SLCO3A1: variants seen among roughly 807,000 people sequenced by gnomAD.
SLCO3A1 encodes solute carrier organic anion transporter family member 3A1.
A neutral mutation model predicts 63.1 loss-of-function variants in SLCO3A1; 27 were observed. The ratio of observed to expected loss-of-function variants is 0.43; its 90% CI spans 0.32 to 0.59. The LOEUF (loss-of-function observed/expected upper bound fraction) is 0.59, where lower values mean the gene tolerates loss of function less well. SLCO3A1 is among the 20% of genes least tolerant of loss of function. The pLI is 0.09. For synonymous variants in SLCO3A1, 473 were observed against 409.9 expected (o/e 1.15, Z -1.86); for missense variants, 773 against 945.8 (o/e 0.82, Z 2.40).
In SLCO3A1 at chr15:91,862,616, C is replaced by T. The variant is rs1897075416; in HGVS notation, c.180+8528C>T. Among the ~76,000 whole-genome samples the T allele has an allele frequency of 6.6e-6, 1 of 152,132 alleles. No homozygotes were observed. The highest frequency in any genetic ancestry group is 6.5e-5 in the Admixed American group (1 of 15,278). ...GGTAGCTCTAAAGTCTCTTCTGGCTCTCCGTCCATTGATACCTAAATTTCT... is the reference window on the plus strand; with the variant it reads ...GGTAGCTCTAAAGTCTCTTCTGGCTTTCCGTCCATTGATACCTAAATTTCT... On this transcript the variant is annotated intron_variant, in intron 1 of 9. Coordinates refer to ENST00000318445, the MANE Select transcript of SLCO3A1 (RefSeq NM_013272.4). This position sits in a 1 kb window ranked among gnomAD's most constrained non-coding sequence, Gnocchi z 4.0.
chr15:92,104,130 T>C (rs2047638614), intron 3 of SLCO3A1, 149 bp from the exon 4 acceptor site: 1 of 874,556 alleles, frequency 1.1e-6, no homozygotes, highest in Admixed American at 2.3e-5. Context: ...TGTGGAACAA[T>C]AGGCTTCGTA....
chr15:91,862,292 TA>T lies in SLCO3A1; in HGVS notation c.180+8205del, dbSNP rs1287940699. Among the ~76,000 whole-genome samples the T allele has an allele frequency of 2.6e-5, 4 of 152,136 alleles. No individual in the cohort carries two copies. Among genetic ancestry groups the T allele is most frequent in the African/African-American group, 9.7e-5 (4 of 41,416 alleles). On this transcript the variant is annotated intron_variant, in intron 1 of 9. Transcript: ENST00000318445. The surrounding 1 kb of genome is among the most constrained non-coding windows in gnomAD (Gnocchi z 4.0). ...CCTCAGCCTCCCCAGTAGCTGGGACTACAGGCGCGTACCACCACTCGGCTAA... is the reference window on the plus strand; with the variant it reads ...CCTCAGCCTCCCCAGTAGCTGGGACTCAGGCGCGTACCACCACTCGGCTAA...
At chr15:92,109,600 GCTGAGCACTCTTGTCA>G (rs1312794536) in intron 4 of SLCO3A1, among the ~76,000 whole-genome samples, 1 of 152,186 alleles carries the variant, frequency 6.6e-6, no homozygotes, top group Non-Finnish European at 1.5e-5. Flanking sequence ...GCAATCAAAA[GCTGAGCACTCTTGTCA>G]CTGAGCGCTT....
At position 91,961,506 on chromosome 15, in the gene SLCO3A1, C is replaced by T. The variant is rs559142150; in HGVS notation, c.646+45048C>T. Among the ~76,000 whole-genome samples, 4 of 152,374 alleles carry T rather than the reference C, an allele frequency of 2.6e-5. No homozygotes were observed. In the East Asian group the frequency reaches 7.7e-4, roughly 29 times the overall value. ...AGGCAATGAGGTTGATTAAAAACAT[C>T]TCAGTCCAAGGTGTGTGGGATTCCA... On this transcript the variant is annotated intron_variant, in intron 2 of 9. Coordinates refer to ENST00000318445, the MANE Select transcript of SLCO3A1 (RefSeq NM_013272.4).
chr15:92,125,875 C>T lies in SLCO3A1; in HGVS notation c.1175-186C>T, dbSNP rs75220342. The stretch of plus-strand genomic sequence containing the variant: ...TGCTTTATGTCTGTCTCCCCCAGTT[C>T]TCCATGAGCTCCCTGGGGGCATAAA... On this transcript the variant is annotated intron_variant, in intron 5 of 9. Transcript: ENST00000318445. Among the ~76,000 whole-genome samples, 426 of 151,994 alleles carry T rather than the reference C, an allele frequency of 2.8e-3. 1 individual carries two copies. The highest frequency in any genetic ancestry group is 9.6e-3 in the African/African-American group (397 of 41,460).
chr15:92,143,441 T>TA lies in SLCO3A1; in HGVS notation c.1513-3542dup, dbSNP rs1567143041. Among the ~76,000 whole-genome samples the TA allele has an allele frequency of 1.3e-3, 8 of 6,248 alleles. 2 individuals carry two copies. The highest frequency in any genetic ancestry group is 0.01 in the African/African-American group (8 of 776). The allele number at this position is 6,248 out of a possible 152,430, so 4.1% of individuals were successfully genotyped here. On this transcript the variant is annotated intron_variant, in intron 7 of 9. Transcript: ENST00000318445. ...TATTATATATATATAATATATATAA[T>TA]ATATATATAATATATATAATATATA...
intron 9 of SLCO3A1, 65 bp from the exon 10 acceptor site, chr15:92,162,685 TAGGCAG>T: frequency 1.3e-6 from 2 of 1,527,658 alleles, no homozygotes; most frequent in South Asian, 2.6e-5. Context: ...TAAGAAAAGC[TAGGCAG>T]AGACAGGAAC....
At chr15:91,969,549 C>T (rs1455676449) in intron 2 of SLCO3A1, among the ~76,000 whole-genome samples, 1 of 152,154 alleles carries the variant, frequency 6.6e-6, no homozygotes, top group Non-Finnish European at 1.5e-5. Context: ...TCAGGTGGTC[C>T]ACCCACCTTG....
chr15:91,966,804 C>G (rs1031094381), intron 2 of SLCO3A1, among the ~76,000 whole-genome samples: 1 of 152,084 alleles, frequency 6.6e-6, no homozygotes, highest in African/African-American at 2.4e-5. Flanking sequence ...TGGCACTGTT[C>G]GTGGAAAAAG....
chr15:92,046,743 A>G (rs1312419571), intron 2 of SLCO3A1, among the ~76,000 whole-genome samples: 1 of 151,532 alleles, frequency 6.6e-6, no homozygotes, highest in African/African-American at 2.4e-5. Flanking sequence ...GAGCAGAGCT[A>G]TGAGAAGGCT....
intron 7 of SLCO3A1, among the ~76,000 whole-genome samples, chr15:92,144,902 A>T (rs1479855913): frequency 6.6e-6 from 1 of 152,182 alleles, no homozygotes; most frequent in East Asian, 1.9e-4. Context: ...GAGAGATGTG[A>T]TCAAATGCAG....
chr15:92,098,168 T>C (rs1193032244), intron 3 of SLCO3A1: 2 of 152,284 alleles, frequency 1.3e-5, no homozygotes, highest in African/African-American at 2.4e-5. Context: ...GTCCACCACA[T>C]AGCCTGGTGC....
At chr15:92,038,612 C>G (rs1030582111) in intron 2 of SLCO3A1, among the ~76,000 whole-genome samples, 1 of 152,084 alleles carries the variant, frequency 6.6e-6, no homozygotes, top group Non-Finnish European at 1.5e-5. Context: ...AGGACACAAA[C>G]AAATGGCAAA....
At chr15:91,915,002 C>G (rs895750818) in intron 1 of SLCO3A1, among the ~76,000 whole-genome samples, 1 of 152,200 alleles carries the variant, frequency 6.6e-6, no homozygotes, top group Non-Finnish European at 1.5e-5. Flanking sequence ...GACAAGGACT[C>G]TTGTCTTGCT....
intron 1 of SLCO3A1, among the ~76,000 whole-genome samples, chr15:91,910,241 G>A (rs891038417): frequency 2.0e-5 from 3 of 152,210 alleles, no homozygotes; most frequent in Middle Eastern, 3.4e-3. Flanking sequence ...ATTGATCTTT[G>A]TTGCATCCCA....
chr15:91,899,704 A>G lies in SLCO3A1; in HGVS notation c.181-16289A>G, dbSNP rs150014785. Among the ~76,000 whole-genome samples the G allele has an allele frequency of 1.3e-3, 194 of 152,338 alleles. 2 individuals are homozygous for G. The highest frequency in any genetic ancestry group is 4.3e-3 in the African/African-American group (178 of 41,576). Reference sequence around the variant, plus strand: ...TTCATAAAGTTATGCAGTCATCACCACACTCAGTTTTAAAACATTCCATCC... The same window carrying G: ...TTCATAAAGTTATGCAGTCATCACCGCACTCAGTTTTAAAACATTCCATCC... On this transcript the variant is annotated intron_variant, in intron 1 of 9. Coordinates refer to ENST00000318445, the MANE Select transcript of SLCO3A1 (RefSeq NM_013272.4).
Position 91,888,118 on chromosome 15 carries a change from T to G in SLCO3A1, c.181-27875T>G, listed in dbSNP as rs1212666517. ...TGCTCTTGTTTGTGGTTTGGTTGGTTGCATTATTAACCGATTTTGGAATAC... is the reference window on the plus strand; with the variant it reads ...TGCTCTTGTTTGTGGTTTGGTTGGTGGCATTATTAACCGATTTTGGAATAC... On this transcript the variant is annotated intron_variant, in intron 1 of 9. Coordinates refer to ENST00000318445, the MANE Select transcript of SLCO3A1 (RefSeq NM_013272.4). Among the ~76,000 whole-genome samples the G allele has an allele frequency of 2.6e-5, 4 of 152,222 alleles. No individual in the cohort carries two copies. The East Asian group carries it at 7.7e-4, about 29-fold the overall frequency.
At chr15:91,952,964 C>T (rs911901455) in intron 2 of SLCO3A1, among the ~76,000 whole-genome samples, 4 of 152,076 alleles carry the variant, frequency 2.6e-5, no homozygotes, top group Non-Finnish European at 4.4e-5. Context: ...GAGTGAGTCA[C>T]AGATTTAGGG....
chr15:91,903,780 G>T (rs1208115038), intron 1 of SLCO3A1, among the ~76,000 whole-genome samples: 1 of 152,200 alleles, frequency 6.6e-6, no homozygotes, highest in African/African-American at 2.4e-5. Flanking sequence ...TGTGAAATCT[G>T]CTTACATGGG....
Sources: allele counts gnomAD v4.1 joint callset (sites outside exome capture counted in the v4.1 genomes callset), GRCh38; gene constraint gnomAD v4.1.1; non-coding constraint Gnocchi (gnomAD v3.1); transcripts MANE v1.5; gene names NCBI Gene and HGNC (gene_info 2026-07-23, HGNC 2026-07-21).